CTNND2: variants seen among roughly 807,000 people sequenced by gnomAD.
The protein encoded by CTNND2 is catenin delta-2.
CTNND2 carries 22 observed loss-of-function variants against 144.4 expected under a neutral mutation model. The observed-to-expected ratio is 0.15, with a 90% CI of 0.11 to 0.22. The LOEUF (loss-of-function observed/expected upper bound fraction) is 0.22. CTNND2 is among the 10% of genes least tolerant of loss of function. The pLI is 1.00. For missense variants in CTNND2, 1,353 were observed against 1,618.8 expected, an observed-to-expected ratio of 0.84 and a Z score of 2.82; for synonymous variants, 751 against 695.6, an observed-to-expected ratio of 1.08 and a Z score of -1.25.
intron 12 of CTNND2, among the ~76,000 whole-genome samples, chr5:11,128,823 AT>A (rs1755012222): frequency 4.4e-5 from 3 of 67,926 alleles, no homozygotes; most frequent in Non-Finnish European, 8.5e-5. Context: ...TATAATATAT[AT>A]TATATATTAT....
chr5:11,886,979 T>TC (rs1736586074), intron 1 of CTNND2, among the ~76,000 whole-genome samples: 1 of 125,226 alleles, frequency 8.0e-6, no homozygotes, highest in African/African-American at 3.1e-5. Context: ...CTACTGCTTT[T>TC]TTTTTTTTTT....
In CTNND2 at chr5:11,474,711, T is replaced by C. The variant is rs555114880; in HGVS notation, c.288-62642A>G. On this transcript the variant is annotated intron_variant, in intron 3 of 21. Transcript: ENST00000304623. ...TTTATTTTTCGCTTATGAAATACTT[T>C]TGAAAACCATGATAGCTGAAATTTC... Among the ~76,000 whole-genome samples the C allele has an allele frequency of 3.3e-5, 5 of 152,312 alleles. No individual in the cohort carries two copies. The East Asian group carries it at 7.7e-4, about 24-fold the overall frequency.
chr5:11,559,943 C>G (rs527444758), intron 3 of CTNND2, among the ~76,000 whole-genome samples: 1 of 152,212 alleles, frequency 6.6e-6, no homozygotes. Context: ...GTCACCCTCA[C>G]GCTGTGTCTG....
At chr5:11,419,029 TATATAGATATATAG>T (rs1282286514) in intron 3 of CTNND2, among the ~76,000 whole-genome samples, 2 of 136,204 alleles carry the variant, frequency 1.5e-5, no homozygotes, top group African/African-American at 2.8e-5. Flanking sequence ...TGTCTATCTA[TATATAGATATATAG>T]ATAGACATCT....
chr5:11,785,623 T>A (rs1449068679), intron 1 of CTNND2, among the ~76,000 whole-genome samples: 1 of 150,880 alleles, frequency 6.6e-6, no homozygotes. Flanking sequence ...ACAGAATGTA[T>A]AGGAGTATCC....
chr5:10,997,114 T>G (rs1739431223), intron 18 of CTNND2, among the ~76,000 whole-genome samples: 2 of 150,178 alleles, frequency 1.3e-5, no homozygotes, highest in Admixed American at 6.6e-5. Context: ...TAGGGAAGGG[T>G]GGGGGTGGTA....
chr5:11,865,731 T>C (rs549827592), intron 1 of CTNND2, among the ~76,000 whole-genome samples: 1 of 151,992 alleles, frequency 6.6e-6, no homozygotes, highest in African/African-American at 2.4e-5. Context: ...CCCTGGATTA[T>C]TGAGGTGGGC....
chr5:11,305,504 G>T (rs1212678994), intron 9 of CTNND2, among the ~76,000 whole-genome samples: 1 of 152,178 alleles, frequency 6.6e-6, no homozygotes, highest in Non-Finnish European at 1.5e-5. Context: ...GGTGGCTCTT[G>T]TGTCATTTGT....
chr5:11,030,411 G>A (rs1464393528), intron 16 of CTNND2, among the ~76,000 whole-genome samples: 1 of 151,924 alleles, frequency 6.6e-6, no homozygotes, highest in Non-Finnish European at 1.5e-5. Flanking sequence ...GAACCCTTAA[G>A]CTCTGCTCCT....
intron 3 of CTNND2, among the ~76,000 whole-genome samples, chr5:11,484,075 C>T (rs1768561145): frequency 6.6e-6 from 1 of 152,198 alleles, no homozygotes; most frequent in South Asian, 2.1e-4. Flanking sequence ...AGTTGCACAC[C>T]CTCAAGGTTC....
At chr5:11,759,482 G>C (rs900912555) in intron 1 of CTNND2, among the ~76,000 whole-genome samples, 1 of 152,028 alleles carries the variant, frequency 6.6e-6, no homozygotes, top group African/African-American at 2.4e-5. Context: ...TAGTTATACA[G>C]ATTTTTGTTA....
chr5:11,441,911 T>G (rs1764302398), intron 3 of CTNND2, among the ~76,000 whole-genome samples: 1 of 152,254 alleles, frequency 6.6e-6, no homozygotes, highest in Non-Finnish European at 1.5e-5. Context: ...TTTCCATCTG[T>G]AACTATCTGA....
chr5:11,232,202 G>C (rs1450501307), intron 10 of CTNND2, among the ~76,000 whole-genome samples: 1 of 152,254 alleles, frequency 6.6e-6, no homozygotes, highest in Non-Finnish European at 1.5e-5. Flanking sequence ...AGAAACAAGG[G>C]GTTGGAGCCC....
chr5:11,323,357 G>C (rs1752233708), intron 9 of CTNND2, among the ~76,000 whole-genome samples: 1 of 151,830 alleles, frequency 6.6e-6, no homozygotes, highest in Non-Finnish European at 1.5e-5. Context: ...GGGTATTTCT[G>C]ACTTTTTTCC....
chr5:11,456,753 A>AT (rs1347003919), intron 3 of CTNND2, among the ~76,000 whole-genome samples: 2 of 152,184 alleles, frequency 1.3e-5, no homozygotes, highest in South Asian at 2.1e-4. Context: ...AATATATTGT[A>AT]TTTTTCCATT....
intron 2 of CTNND2, among the ~76,000 whole-genome samples, chr5:11,596,860 T>A (rs1779528483): frequency 6.6e-6 from 1 of 152,314 alleles, no homozygotes; most frequent in East Asian, 1.9e-4. Flanking sequence ...TTTGTTTGCT[T>A]ATCGGCATTT....
intron 3 of CTNND2, among the ~76,000 whole-genome samples, chr5:11,511,497 C>T (rs1467368165): frequency 2.0e-5 from 3 of 152,096 alleles, no homozygotes; most frequent in African/African-American, 4.8e-5. Flanking sequence ...CCCCTCACAT[C>T]GACCATTCCC....
chr5:11,855,887 A>T (rs2127013985), intron 1 of CTNND2, among the ~76,000 whole-genome samples: 1 of 152,250 alleles, frequency 6.6e-6, no homozygotes, highest in East Asian at 1.9e-4. Context: ...TAAGCCATCA[A>T]CTCCAAGAGA....
At chr5:11,599,099 T>G (rs1779658645) in intron 2 of CTNND2, among the ~76,000 whole-genome samples, 1 of 152,144 alleles carries the variant, frequency 6.6e-6, no homozygotes, top group South Asian at 2.1e-4. Flanking sequence ...ACCAGGGAGA[T>G]GGTGCTAAGG....
Sources: allele counts gnomAD v4.1 joint callset (sites outside exome capture counted in the v4.1 genomes callset), GRCh38; gene constraint gnomAD v4.1.1; transcripts MANE v1.5; gene names NCBI Gene and HGNC (gene_info 2026-07-23, HGNC 2026-07-21).